ANKRD12: variants seen among roughly 807,000 people sequenced by gnomAD.
ANKRD12 encodes ankyrin repeat domain 12.
A neutral mutation model predicts 183.4 loss-of-function variants in ANKRD12; 85 were observed. The observed-to-expected ratio is 0.46, with a 90% CI of 0.39 to 0.56. ANKRD12 has a LOEUF of 0.56. Ranked by LOEUF, ANKRD12 falls within the 20% of genes least tolerant of loss-of-function variation. The pLI is 0.00. For synonymous variants in ANKRD12, 914 were observed against 800.2 expected, an observed-to-expected ratio of 1.14 and a Z score of -2.40; for missense variants, 2,405 against 2,357.1, an observed-to-expected ratio of 1.02 and a Z score of -0.42.
rs181923318 is a variant in ANKRD12 at position 9,164,363 on chromosome 18, G to T, written c.-51-18019G>T. Among the ~76,000 whole-genome samples the T allele has an allele frequency of 5.7e-4, 87 of 152,016 alleles. 1 individual carries two copies. The highest frequency in any genetic ancestry group is 5.5e-3 in the Admixed American group (84 of 15,250). On this transcript the variant is annotated intron_variant, in intron 1 of 12. Transcript: ENST00000262126. ...GTTGAACCAACCTTGCATGCCAGGG[G>T]TGAAACCAACTTGATTTTTTTGTGT...
chr18:9,251,126 T>C (rs1044300364), intron 8 of ANKRD12, among the ~76,000 whole-genome samples: 1 of 152,222 alleles, frequency 6.6e-6, no homozygotes, highest in Admixed American at 6.5e-5. Context: ...TCATTAGGCA[T>C]GTGAAATGTA....
intron 8 of ANKRD12, among the ~76,000 whole-genome samples, chr18:9,222,617 T>A (rs1003791720): frequency 6.6e-6 from 1 of 152,206 alleles, no homozygotes; most frequent in Non-Finnish European, 1.5e-5. Context: ...CAAATGGCTG[T>A]TTCCTCGTAA....
In ANKRD12 at chr18:9,279,541, T is replaced by C. The variant is rs754616841; in HGVS notation, c.5908-8T>C. ...TTGTATTTTATAATACTCACTTTTC[T>C]CTTTTAGTCTGATGACAGTAAAACT... is the stretch of plus-strand genomic sequence containing the variant. On this transcript the variant is annotated splice_polypyrimidine_tract_variant and splice_region_variant and intron_variant, in intron 11 of 12. Coordinates refer to ENST00000262126, the MANE Select transcript of ANKRD12 (RefSeq NM_015208.5). 3 of 1,538,466 alleles carry C rather than the reference T, an allele frequency of 1.9e-6. No homozygotes were observed. The highest frequency in any genetic ancestry group is 2.3e-5 in the South Asian group (2 of 85,790).
chr18:9,278,879 T>C (rs1300391021), intron 11 of ANKRD12, among the ~76,000 whole-genome samples: 1 of 152,132 alleles, frequency 6.6e-6, no homozygotes, highest in African/African-American at 2.4e-5. Context: ...GAGTGCTGCA[T>C]TGAGTGCTTC....
intron 1 of ANKRD12, among the ~76,000 whole-genome samples, chr18:9,158,278 ATTG>A (rs749746346): frequency 1.3e-5 from 2 of 152,194 alleles, no homozygotes; most frequent in Non-Finnish European, 2.9e-5. Flanking sequence ...TTAATAAATG[ATTG>A]TTAACTAAAG....
In ANKRD12 at chr18:9,255,071, CA is replaced by C; in HGVS notation, c.1805del (p.His602LeufsTer13). On this transcript the variant is annotated frameshift_variant, in exon 9 of 13. Coordinates refer to ENST00000262126, the MANE Select transcript of ANKRD12 (RefSeq NM_015208.5). LOFTEE classifies it high-confidence loss of function. ...AAGTTCAAGTGTAAAATCTTGTAAGCATAAGGAAAAAAGCAAACATCAGAAA... is the reference window on the plus strand; with the variant it reads ...AAGTTCAAGTGTAAAATCTTGTAAGCTAAGGAAAAAAGCAAACATCAGAAA... ...PESSSVKSCK[H>X]KEKSKHQKDF... The C allele has an allele frequency of 6.3e-7, 1 of 1,577,232 alleles. No homozygotes were observed. The highest frequency in any genetic ancestry group is 8.6e-7 in the Non-Finnish European group (1 of 1,167,024).
At chr18:9,216,650 A>T in intron 6 of ANKRD12, 108 bp from the exon 7 acceptor site, 1 of 1,099,576 alleles carries the variant, frequency 9.1e-7, no homozygotes, top group Non-Finnish European at 1.3e-6. Context: ...TTTTTTTTGC[A>T]CGATGTGCAG....
In ANKRD12 at chr18:9,257,287, A is replaced by AG; in HGVS notation, c.4021dup (p.Asp1341GlyfsTer3). ...AAGGTAGCTTATTAACTGTGCCAGG[A>AG]GATACTAGTCCTTCTCCCAAACCTG... On this transcript the variant is annotated frameshift_variant, in exon 9 of 13. Transcript: ENST00000262126. LOFTEE classifies it high-confidence loss of function. 6.2e-7 allele frequency: 1 copy of AG among 1,614,136 alleles called. No homozygotes were observed. The highest frequency in any genetic ancestry group is 8.5e-7 in the Non-Finnish European group (1 of 1,179,978).
intron 1 of ANKRD12, among the ~76,000 whole-genome samples, chr18:9,139,781 GATTT>G (rs1249045273): frequency 6.6e-6 from 1 of 152,174 alleles, no homozygotes; most frequent in Non-Finnish European, 1.5e-5. Context: ...GCAGTGTTGA[GATTT>G]ATCCTTGGGA....
intron 1 of ANKRD12, chr18:9,137,600 C>G (rs1292477550): frequency 2.0e-5 from 3 of 151,594 alleles, no homozygotes; most frequent in Non-Finnish European, 4.4e-5. Flanking sequence ...GTACCCGGGT[C>G]CTGGGAGAGG....
intron 10 of ANKRD12, among the ~76,000 whole-genome samples, chr18:9,268,473 A>G (rs561784685): frequency 2.0e-5 from 3 of 152,342 alleles, no homozygotes; most frequent in South Asian, 4.1e-4. Flanking sequence ...CAGCATACGC[A>G]AATCAATAAA....
chr18:9,243,277 G>A (rs139751562), intron 8 of ANKRD12, among the ~76,000 whole-genome samples: 2 of 152,298 alleles, frequency 1.3e-5, no homozygotes, highest in East Asian at 3.9e-4. Flanking sequence ...TCCCAATGAT[G>A]CCCCAGAGAA....
intron 3 of ANKRD12, among the ~76,000 whole-genome samples, chr18:9,203,469 A>G (rs2035294061): frequency 6.6e-6 from 1 of 152,190 alleles, no homozygotes; most frequent in Non-Finnish European, 1.5e-5. Context: ...TGGCATTTAT[A>G]AGTCAAAATA....
At chr18:9,195,933 C>T (rs1461437843) in intron 3 of ANKRD12, among the ~76,000 whole-genome samples, 1 of 151,870 alleles carries the variant, frequency 6.6e-6, no homozygotes, top group Non-Finnish European at 1.5e-5. Context: ...TTGTGAATTT[C>T]TTTATCAAGA....
intron 7 of ANKRD12, among the ~76,000 whole-genome samples, chr18:9,221,541 A>G (rs2036420388): frequency 6.6e-6 from 1 of 152,198 alleles, no homozygotes. Context: ...GGAAGTGTAG[A>G]TATTATAGGT....
intron 3 of ANKRD12, among the ~76,000 whole-genome samples, chr18:9,197,645 C>G (rs572250052): frequency 6.6e-6 from 1 of 152,250 alleles, no homozygotes; most frequent in African/African-American, 2.4e-5. Context: ...ATACTGTACT[C>G]TTTAAGCTAG....
intron 1 of ANKRD12, among the ~76,000 whole-genome samples, chr18:9,178,052 A>G (rs949457956): frequency 6.6e-6 from 1 of 152,154 alleles, no homozygotes; most frequent in African/African-American, 2.4e-5. Flanking sequence ...ATTTGCAAGT[A>G]TTTTCTGCCA....
rs574425312 is a variant in ANKRD12 at position 9,180,768 on chromosome 18, TG to T, written c.-51-1613del. 3.8e-3 allele frequency among the ~76,000 whole-genome samples: 579 copies of T among 152,320 alleles called. 2 individuals carry two copies. The highest frequency in any genetic ancestry group is 0.013 in the African/African-American group (539 of 41,580). ...TTTCTAAATAGTTATTGAAAAATGG[TG>T]TAAGCTTTTCCTTACATAGAATCTA... On this transcript the variant is annotated intron_variant, in intron 1 of 12. Transcript: ENST00000262126.
At chr18:9,143,805 C>T (rs538708493) in intron 1 of ANKRD12, among the ~76,000 whole-genome samples, 1 of 151,734 alleles carries the variant, frequency 6.6e-6, no homozygotes, top group Non-Finnish European at 1.5e-5. Flanking sequence ...AACACCACCA[C>T]CACCACCGCC....
Sources: gnomAD v4.1 joint callset for allele counts (sites outside exome capture counted in the v4.1 genomes callset) on GRCh38, gnomAD v4.1.1 for gene constraint, MANE v1.5 for transcripts, NCBI Gene and HGNC (gene_info 2026-07-23, HGNC 2026-07-21) for gene names.